RAB30: variants seen among roughly 807,000 people sequenced by gnomAD.
RAB30 encodes the protein ras-related protein Rab-30.
A neutral mutation model predicts 25.1 loss-of-function variants in RAB30; 9 were observed. The ratio of observed to expected loss-of-function variants is 0.36; its 90% CI spans 0.22 to 0.63. The LOEUF (loss-of-function observed/expected upper bound fraction) is 0.63. Among genes scored for constraint, RAB30 ranks in the 20% least tolerant of loss-of-function variants. RAB30 has a pLI of 0.69. For synonymous variants in RAB30, 77 were observed against 86.4 expected, an observed-to-expected ratio of 0.89 and a Z score of 0.60; for missense variants, 140 against 243.5, an observed-to-expected ratio of 0.58 and a Z score of 2.83.
At chr11:83,038,265 G>C (rs529495810) in intron 1 of RAB30, among the ~76,000 whole-genome samples, 1 of 152,294 alleles carries the variant, frequency 6.6e-6, no homozygotes, top group East Asian at 1.9e-4. Flanking sequence ...ATCAACGTTA[G>C]CTAATTTTAG....
intron 1 of RAB30, among the ~76,000 whole-genome samples, chr11:83,014,977 CT>C (rs1382499744): frequency 1.3e-5 from 2 of 152,038 alleles, no homozygotes; most frequent in Non-Finnish European, 2.9e-5. Context: ...GTTCAAGGAA[CT>C]GAAAGAAGGG....
At position 82,976,962 on chromosome 11, in the gene RAB30, G is replaced by A. The variant is rs893942592; in HGVS notation, c.*5203C>T. ...AGAGAATCAAACCAACTAAGGAAAT[G>A]TCATTGATACTTTTCTAAAATAGAT... On this transcript the variant is annotated 3_prime_UTR_variant, in exon 5 of 5. Coordinates refer to ENST00000527633, the MANE Select transcript of RAB30 (RefSeq NM_001286060.2). The A allele has an allele frequency of 6.6e-6, 1 of 152,172 alleles. No individual in the cohort carries two copies. Among genetic ancestry groups the A allele is most frequent in the African/African-American group, 2.4e-5 (1 of 41,442 alleles). 9.4% of individuals were successfully genotyped at this position (152,172 alleles called of 1,614,324 possible).
At chr11:83,065,558 GC>G (rs1858676747) in intron 1 of RAB30, among the ~76,000 whole-genome samples, 1 of 152,128 alleles carries the variant, frequency 6.6e-6, no homozygotes, top group Non-Finnish European at 1.5e-5. Flanking sequence ...ACTATGCCCA[GC>G]CCCATGGTTA....
intron 3 of RAB30, among the ~76,000 whole-genome samples, chr11:82,989,369 G>A (rs577588081): frequency 1.4e-4 from 22 of 152,172 alleles, no homozygotes; most frequent in Admixed American, 5.2e-4. Flanking sequence ...TGAGTGACCC[G>A]TAGTCCCTGC....
intron 4 of RAB30, among the ~76,000 whole-genome samples, chr11:82,986,181 T>C (rs1856735866): frequency 6.6e-6 from 1 of 152,192 alleles, no homozygotes; most frequent in African/African-American, 2.4e-5. Flanking sequence ...GAAACATGAA[T>C]TAATACAACC....
At chr11:82,997,673 G>T (rs1414646279) in intron 1 of RAB30, among the ~76,000 whole-genome samples, 1 of 152,084 alleles carries the variant, frequency 6.6e-6, no homozygotes, top group Non-Finnish European at 1.5e-5. Context: ...GCAAGCTGGG[G>T]TGCAAAAAAG....
chr11:83,071,270 G>T (rs970180924), intron 1 of RAB30: 2 of 152,164 alleles, frequency 1.3e-5, no homozygotes, highest in African/African-American at 4.8e-5. Flanking sequence ...TTCTAAAGTA[G>T]TGCGACCACA....
At chr11:82,995,825 A>G (rs917590943) in intron 2 of RAB30, among the ~76,000 whole-genome samples, 1 of 152,164 alleles carries the variant, frequency 6.6e-6, no homozygotes. Context: ...CTCACAATAT[A>G]AGATCCTAAG....
chr11:83,055,501 C>T (rs1441892781), intron 1 of RAB30, among the ~76,000 whole-genome samples: 1 of 152,120 alleles, frequency 6.6e-6, no homozygotes, highest in African/African-American at 2.4e-5. Flanking sequence ...CCATCTTCTG[C>T]TGCGCAGCCA....
intron 4 of RAB30, among the ~76,000 whole-genome samples, chr11:82,983,630 T>A (rs891453340): frequency 5.3e-5 from 8 of 151,730 alleles, no homozygotes; most frequent in Non-Finnish European, 8.8e-5. Flanking sequence ...AGAGACAGAG[T>A]TTCGCCACGT....
intron 3 of RAB30, among the ~76,000 whole-genome samples, chr11:82,988,125 C>T (rs1856777438): frequency 6.6e-6 from 1 of 152,146 alleles, no homozygotes; most frequent in Non-Finnish European, 1.5e-5. Context: ...TGGCAACTCA[C>T]TTATTCCTCA....
At chr11:83,033,867 C>A (rs1369256749) in intron 1 of RAB30, among the ~76,000 whole-genome samples, 1 of 151,744 alleles carries the variant, frequency 6.6e-6, no homozygotes, top group East Asian at 1.9e-4. Flanking sequence ...AAAGAATGAT[C>A]AGATCAAATG....
intron 1 of RAB30, chr11:82,997,607 C>T (rs573159086): frequency 9.1e-6 from 3 of 331,460 alleles, no homozygotes; most frequent in Non-Finnish European, 1.7e-5. Context: ...CAGTTTCCTC[C>T]TGTGATAAAT....
chr11:83,064,717 T>C (rs1858656451), intron 1 of RAB30, among the ~76,000 whole-genome samples: 1 of 152,196 alleles, frequency 6.6e-6, no homozygotes, highest in Admixed American at 6.5e-5. Flanking sequence ...GCTATGACAT[T>C]CCTGAAGACA....
In RAB30 at chr11:82,973,439, C is replaced by G. The variant is rs149611967; in HGVS notation, c.*8726G>C. 173 of 152,174 alleles carry G rather than the reference C, an allele frequency of 1.1e-3. No individual in the cohort carries two copies. The highest frequency in any genetic ancestry group is 4.1e-3 in the African/African-American group (170 of 41,514). The allele number at this position is 152,174 out of a possible 1,614,324, so 9.4% of individuals were successfully genotyped here. On this transcript the variant is annotated 3_prime_UTR_variant, in exon 5 of 5. Transcript: ENST00000527633. ...ATTTAAAATGCTACTTCATTGAATCCTAAAAGATTGAATGAGTACTCTTAT... is the reference window on the plus strand; with the variant it reads ...ATTTAAAATGCTACTTCATTGAATCGTAAAAGATTGAATGAGTACTCTTAT...
chr11:83,013,152 C>T (rs998633546), intron 1 of RAB30, among the ~76,000 whole-genome samples: 15 of 151,998 alleles, frequency 9.9e-5, no homozygotes, highest in Admixed American at 2.0e-4. Context: ...GGTGTGATTT[C>T]GGGTCACTGC....
At chr11:83,039,811 A>G (rs767766251) in intron 1 of RAB30, among the ~76,000 whole-genome samples, 2 of 152,194 alleles carry the variant, frequency 1.3e-5, no homozygotes, top group Non-Finnish European at 2.9e-5. Flanking sequence ...TCAAAAAGAA[A>G]AAAGGCTGAA....
At chr11:83,006,417 G>T (rs1857186319) in intron 1 of RAB30, among the ~76,000 whole-genome samples, 1 of 152,168 alleles carries the variant, frequency 6.6e-6, no homozygotes, top group Non-Finnish European at 1.5e-5. Flanking sequence ...AATGAAAGAA[G>T]CAAGGCAAAG....
intron 1 of RAB30, among the ~76,000 whole-genome samples, chr11:82,998,669 C>T (rs1210199649): frequency 1.3e-5 from 2 of 149,322 alleles, no homozygotes; most frequent in Non-Finnish European, 3.0e-5. Flanking sequence ...AGAGAAGAGA[C>T]AATGTCTGCC....
Sources: allele counts gnomAD v4.1 joint callset (sites outside exome capture counted in the v4.1 genomes callset), GRCh38; gene constraint gnomAD v4.1.1; transcripts MANE v1.5; gene names NCBI Gene and HGNC (gene_info 2026-07-23, HGNC 2026-07-21).